The following CNKSR3 variants were observed in gnomAD, a reference collection of about 807,000 sequenced individuals.
CNKSR3 encodes connector enhancer of kinase suppressor of ras 3.
CNKSR3 carries 36 observed loss-of-function variants against 67.7 expected under a neutral mutation model. The observed-to-expected ratio is 0.53, with a 90% confidence interval of 0.41 to 0.70. The LOEUF (loss-of-function observed/expected upper bound fraction) is 0.70. Ranked by LOEUF, CNKSR3 falls within the 30% of genes least tolerant of loss-of-function variation. The pLI is 0.00. For missense variants in CNKSR3, 630 were observed against 695.2 expected (o/e 0.91, Z 1.05); for synonymous variants, 281 against 271.4 (o/e 1.04, Z -0.35).
At chr6:154,407,078 T>C (rs1784811799) in intron 12 of CNKSR3, among the ~76,000 whole-genome samples, 1 of 152,112 alleles carries the variant, frequency 6.6e-6, no homozygotes, top group Admixed American at 6.5e-5. Flanking sequence ...CCTCCCTGGA[T>C]TGGCCACAAG....
chr6:154,500,256 AACACACACAC>A (rs5881088), intron 1 of CNKSR3, among the ~76,000 whole-genome samples: 15 of 147,320 alleles, frequency 1.0e-4, no homozygotes, highest in African/African-American at 3.0e-4. Context: ...TAAAATTAGA[AACACACACAC>A]ACACACACAC....
intron 4 of CNKSR3, among the ~76,000 whole-genome samples, chr6:154,434,996 CTTTTTTT>C (rs367990649): frequency 7.3e-6 from 1 of 136,704 alleles, no homozygotes; most frequent in Non-Finnish European, 1.6e-5. Flanking sequence ...CTACAAATTC[CTTTTTTT>C]TTTTTTTTTT....
At chr6:154,452,783 C>G (rs1000408881) in intron 1 of CNKSR3, among the ~76,000 whole-genome samples, 1 of 152,058 alleles carries the variant, frequency 6.6e-6, no homozygotes, top group Non-Finnish European at 1.5e-5. Context: ...GAGGAGATAA[C>G]GACACAGACA....
In CNKSR3 at chr6:154,406,268, T is replaced by C; in HGVS notation, c.*86A>G. On this transcript the variant is annotated 3_prime_UTR_variant, in exon 13 of 13. Transcript: ENST00000607772. ...ATTGCATAAGGTCCCTACATAATAC[T>C]GAGGCTGAAACGAGAAGAGGCTGTC... The C allele has an allele frequency of 1.6e-6, 2 of 1,279,610 alleles. No individual in the cohort carries two copies. The highest frequency in any genetic ancestry group is 2.5e-5 in the East Asian group (1 of 39,722). 79.3% of individuals were successfully genotyped at this position (1,279,610 alleles called of 1,614,324 possible).
At chr6:154,495,672 G>A (rs1295928585) in intron 1 of CNKSR3, among the ~76,000 whole-genome samples, 2 of 151,960 alleles carry the variant, frequency 1.3e-5, no homozygotes, top group Non-Finnish European at 2.9e-5. Flanking sequence ...ACTGTGCCCG[G>A]CCTCAACACA....
chr6:154,437,962 C>T (rs78587999), intron 4 of CNKSR3, among the ~76,000 whole-genome samples: 364 of 152,080 alleles, frequency 2.4e-3, no homozygotes, highest in African/African-American at 6.8e-3. Context: ...TTTGTATTTC[C>T]TACCACAGTC....
intron 3 of CNKSR3, 42 bp from the exon 4 acceptor site, chr6:154,441,421 A>T: frequency 7.3e-7 from 1 of 1,370,976 alleles, no homozygotes; most frequent in Non-Finnish European, 1.0e-6. Flanking sequence ...GGTAGGGAGA[A>T]TCCACGGGGA....
rs776111293 is a variant in CNKSR3, at chr6:154,411,030, G to A, written c.1183C>T (p.Arg395Ter). Reference sequence around the variant, plus strand: ...TCCGAGTCTGCAATGGTGAATCTTCGTCTCCGGCTTTCCTGGTCCAAGAAG... The same window carrying A: ...TCCGAGTCTGCAATGGTGAATCTTCATCTCCGGCTTTCCTGGTCCAAGAAG... Reference protein sequence around the residue: ...NSFLDQESRRRRFTIADSDQL... With the variant: ...NSFLDQESRR The change falls in exon 11 of 13, where the codon CGA becomes TGA. Residue 395 changes from arginine to a stop codon, truncating the protein, a stop_gained. Coordinates refer to ENST00000607772, the MANE Select transcript of CNKSR3 (RefSeq NM_173515.4). LOFTEE classifies it high-confidence loss of function. 11 of 1,613,928 alleles carry A rather than the reference G, an allele frequency of 6.8e-6. No homozygotes were observed. The highest frequency in any genetic ancestry group is 4.5e-5 in the East Asian group (2 of 44,884).
At chr6:154,499,483 G>C (rs1786940448) in intron 1 of CNKSR3, among the ~76,000 whole-genome samples, 1 of 152,220 alleles carries the variant, frequency 6.6e-6, no homozygotes, top group Admixed American at 6.5e-5. Context: ...GGTGAGGCTG[G>C]TGTTGAAGAA....
intron 1 of CNKSR3, among the ~76,000 whole-genome samples, chr6:154,499,556 G>A (rs747630760): frequency 6.6e-5 from 10 of 152,162 alleles, no homozygotes; most frequent in South Asian, 4.1e-4. Flanking sequence ...CCTGGGAAAC[G>A]GTCTCTTGAA....
chr6:154,441,389 A>G lies in CNKSR3; in HGVS notation c.420-10T>C. ...CCCTGTAAACGGAGCCCTAGAAGGT[A>G]GCAACAATCCTCTTAAAAAGGGGTA... On this transcript the variant is annotated splice_polypyrimidine_tract_variant and intron_variant, in intron 3 of 12. Transcript: ENST00000607772. 1 of 1,607,692 alleles carries G rather than the reference A, an allele frequency of 6.2e-7. No individual in the cohort carries two copies. The highest frequency in any genetic ancestry group is 8.5e-7 in the Non-Finnish European group (1 of 1,174,298).
chr6:154,475,349 C>T (rs7776092), intron 1 of CNKSR3, among the ~76,000 whole-genome samples: 39,324 of 152,012 alleles, frequency 0.26, 5,358 homozygotes, highest in East Asian at 0.39. Context: ...CTTCCCTCCC[C>T]TTCTCCAATC....
At position 154,389,187 on chromosome 6, in the gene CNKSR3, C is replaced by T. The variant is rs549972987; in HGVS notation, c.*17167G>A. On this transcript the variant is annotated 3_prime_UTR_variant, in exon 13 of 13. Coordinates refer to ENST00000607772, the MANE Select transcript of CNKSR3 (RefSeq NM_173515.4). ...ACAAGACCAATGTCAAAGAGCTTTT[C>T]GCCTATGTTTTCTTCTAGGAGTTTT... 26 of 152,244 alleles carry T rather than the reference C, an allele frequency of 1.7e-4. No homozygotes were observed. The highest frequency in any genetic ancestry group is 2.6e-4 in the Non-Finnish European group (18 of 68,006). The allele number at this position is 152,244 out of a possible 1,614,324, so 9.4% of individuals were successfully genotyped here.
At chr6:154,503,599 C>T (rs1787039768) in intron 1 of CNKSR3, among the ~76,000 whole-genome samples, 1 of 150,446 alleles carries the variant, frequency 6.6e-6, no homozygotes, top group Non-Finnish European at 1.5e-5. Flanking sequence ...CGTACCACTG[C>T]TTTCTAACCT....
chr6:154,441,309 T>C lies in CNKSR3; in HGVS notation c.490A>G (p.Thr164Ala). Residue 164 changes from threonine to alanine, a missense_variant, in exon 4 of 13, where the codon ACC (threonine) becomes GCC (alanine). Thr to Ala is a moderately conservative substitution (Grantham distance 58, BLOSUM62 0). Transcript: ENST00000607772. ...CTACTGACCTTCTGGACTGTAGTGG[T>C]CAGGTCCAAGCAAAGCTGGATAATT... is the stretch of plus-strand genomic sequence containing the variant. Reference protein sequence around the residue: ...NKIIQLCLDLTTTVQKDCFVA... With the variant: ...NKIIQLCLDLATTVQKDCFVA... 1 of 1,599,524 alleles carries C rather than the reference T, an allele frequency of 6.3e-7. No individual in the cohort carries two copies. The highest frequency in any genetic ancestry group is 8.5e-7 in the Non-Finnish European group (1 of 1,170,226).
In CNKSR3 at chr6:154,399,561, C is replaced by G. The variant is rs1264941030; in HGVS notation, c.*6793G>C. On this transcript the variant is annotated 3_prime_UTR_variant, in exon 13 of 13. Transcript: ENST00000607772. ...TGATCCAACTTCAAAAGCTGAGCCC[C>G]CGCCTGCTTCTATCTGCTTGATGCA... 1 of 152,044 alleles carries G rather than the reference C, an allele frequency of 6.6e-6. No individual in the cohort carries two copies. The highest frequency in any genetic ancestry group is 1.9e-4 in the East Asian group (1 of 5,174). 9.4% of individuals were successfully genotyped at this position (152,044 alleles called of 1,614,324 possible).
At chr6:154,470,704 G>A (rs1248846076) in intron 1 of CNKSR3, among the ~76,000 whole-genome samples, 1 of 152,078 alleles carries the variant, frequency 6.6e-6, no homozygotes, top group Non-Finnish European at 1.5e-5. Flanking sequence ...ACTTGGGTTT[G>A]TTTCCTCTTT....
intron 5 of CNKSR3, among the ~76,000 whole-genome samples, chr6:154,433,086 C>T (rs1430467230): frequency 6.6e-6 from 1 of 152,098 alleles, no homozygotes; most frequent in Non-Finnish European, 1.5e-5. Flanking sequence ...TACAGCACAT[C>T]CCCCCTCCAT....
At chr6:154,467,245 T>G (rs1786223389) in intron 1 of CNKSR3, among the ~76,000 whole-genome samples, 1 of 152,164 alleles carries the variant, frequency 6.6e-6, no homozygotes, top group South Asian at 2.1e-4. Flanking sequence ...CGTTTCTTGT[T>G]TTGGAGAGGC....
Sources: allele counts gnomAD v4.1 joint callset (sites outside exome capture counted in the v4.1 genomes callset), GRCh38; gene constraint gnomAD v4.1.1; transcripts MANE v1.5; gene names NCBI Gene and HGNC (gene_info 2026-07-23, HGNC 2026-07-21).